ATM: variants seen among roughly 807,000 people sequenced by gnomAD.
ATM encodes ATM serine/threonine kinase.
A neutral mutation model predicts 387.0 loss-of-function variants in ATM; 308 were observed. The observed-to-expected ratio is 0.80, with a 90% CI of 0.73 to 0.87. The LOEUF (loss-of-function observed/expected upper bound fraction) is 0.87, where lower values mean the gene tolerates loss of function less well. Among genes scored for constraint, ATM ranks in the 40% least tolerant of loss-of-function variants. The pLI is 0.00. For missense variants in ATM, 3,312 were observed against 3,560.9 expected (o/e 0.93, Z 1.78); for synonymous variants, 1,156 against 1,187.3 (o/e 0.97, Z 0.54).
At chr11:108,340,178 T>C (rs1443338325) in intron 56 of ATM, 3 of 152,218 alleles carry the variant, frequency 2.0e-5, no homozygotes, top group African/African-American at 4.8e-5. Context: ...TTTATTATTA[T>C]GGAAAATTTC....
At chr11:108,270,388 C>T (rs2081507412) in intron 18 of ATM, among the ~76,000 whole-genome samples, 1 of 152,212 alleles carries the variant, frequency 6.6e-6, no homozygotes, top group South Asian at 2.1e-4. Flanking sequence ...AAGCTCTTAA[C>T]TGCAACAGTG....
Position 108,334,806 on chromosome 11 carries a change from G to T in ATM, c.8011-163G>T, listed in dbSNP as rs574050507. On this transcript the variant is annotated intron_variant, in intron 54 of 62. Coordinates refer to ENST00000675843, the MANE Select transcript of ATM (RefSeq NM_000051.4). ...TTGATGAAACAGTAGTTAAAGTTACGAGCGTGAGCCACCACACCCGGCCTA... is the reference window on the plus strand; with the variant it reads ...TTGATGAAACAGTAGTTAAAGTTACTAGCGTGAGCCACCACACCCGGCCTA... Among the ~76,000 whole-genome samples, 82 of 152,168 alleles carry T rather than the reference G, an allele frequency of 5.4e-4. 1 individual carries two copies. The highest frequency in any genetic ancestry group is 9.3e-4 in the Non-Finnish European group (63 of 67,984).
At chr11:108,277,547 A>G (rs1316411350) in intron 22 of ATM, among the ~76,000 whole-genome samples, 1 of 152,162 alleles carries the variant, frequency 6.6e-6, no homozygotes, top group African/African-American at 2.4e-5. Flanking sequence ...CTGCGGGAAA[A>G]GCGTAGTATC....
At chr11:108,232,158 AGCC>A (rs1201427128) in intron 4 of ATM, among the ~76,000 whole-genome samples, 1 of 152,256 alleles carries the variant, frequency 6.6e-6, no homozygotes, top group Non-Finnish European at 1.5e-5. Context: ...AAAATGCATC[AGCC>A]TGTTGGTTTA....
chr11:108,258,739 C>G (rs567916999), intron 15 of ATM, among the ~76,000 whole-genome samples: 3 of 152,234 alleles, frequency 2.0e-5, no homozygotes, highest in Non-Finnish European at 2.9e-5. Flanking sequence ...AAACTCTAAC[C>G]TATAATTATA....
At chr11:108,357,779 C>A (rs897666648) in intron 61 of ATM, among the ~76,000 whole-genome samples, 1 of 152,034 alleles carries the variant, frequency 6.6e-6, no homozygotes, top group African/African-American at 2.4e-5. Flanking sequence ...GATATCCACA[C>A]CAAAAACCCA....
chr11:108,266,113 A>C (rs921732934), intron 16 of ATM, among the ~76,000 whole-genome samples: 1 of 151,106 alleles, frequency 6.6e-6, no homozygotes, highest in Non-Finnish European at 1.5e-5. Flanking sequence ...ATACCATTTG[A>C]CCCAGCCATC....
At chr11:108,300,629 C>T (rs2083379312) in intron 34 of ATM, among the ~76,000 whole-genome samples, 1 of 152,062 alleles carries the variant, frequency 6.6e-6, no homozygotes, top group Non-Finnish European at 1.5e-5. Context: ...TGCCATGTTT[C>T]CGTTATTGAT....
intron 5 of ATM, among the ~76,000 whole-genome samples, chr11:108,239,510 C>G (rs577826006): frequency 1.3e-4 from 20 of 152,304 alleles, no homozygotes; most frequent in African/African-American, 3.8e-4. Context: ...CTATTCTGTT[C>G]TGTGTATATG....
At chr11:108,250,477 G>A (rs1192367799) in intron 9 of ATM, among the ~76,000 whole-genome samples, 1 of 152,024 alleles carries the variant, frequency 6.6e-6, no homozygotes, top group East Asian at 1.9e-4. Flanking sequence ...TTTGTTTAAG[G>A]GAAACTTAAC....
chr11:108,293,892 A>ATAT (rs1555100983), intron 31 of ATM, among the ~76,000 whole-genome samples: 20 of 108,936 alleles, frequency 1.8e-4, no homozygotes, highest in African/African-American at 5.5e-4. Context: ...AAAAAAAAAA[A>ATAT]AAATATATAT....
intron 49 of ATM, 124 bp from the exon 50 acceptor site, chr11:108,330,090 A>C: frequency 1.1e-6 from 1 of 947,304 alleles, no homozygotes. Context: ...AATCCTTAGA[A>C]GTTTGCTTTT....
chr11:108,292,822 T>C, intron 30 of ATM, 29 bp downstream of exon 30: 1 of 1,605,306 alleles, frequency 6.2e-7, no homozygotes, highest in Admixed American at 1.7e-5. Flanking sequence ...TTCAAAATGG[T>C]ATTTAAAATA....
At chr11:108,332,226 G>A (rs1045666862) in intron 52 of ATM, among the ~76,000 whole-genome samples, 189 bp downstream of exon 52, 1 of 152,052 alleles carries the variant, frequency 6.6e-6, no homozygotes, top group African/African-American at 2.4e-5. Flanking sequence ...TCAGAAGTTC[G>A]AGACCATCCT....
rs547868691 is a variant in ATM, at chr11:108,261,148, G to A, written c.2466+2073G>A. Among the ~76,000 whole-genome samples, 1,343 of 152,356 alleles carry A rather than the reference G, an allele frequency of 8.8e-3. 4 individuals carry two copies. Among genetic ancestry groups the A allele is most frequent in the Non-Finnish European group, 0.012 (789 of 68,040 alleles). ...GGTGGAGCCCACCACAGCTCAAGGA[G>A]GCCTGCCTGCCTCTGTAGGCTCCAC... On this transcript the variant is annotated intron_variant, in intron 16 of 62. Transcript: ENST00000675843.
In ATM at chr11:108,312,417, T is replaced by TCAA; in HGVS notation, c.5925_5926insCAA (p.Leu1975_Ala1976insGln). The TCAA allele has an allele frequency of 6.3e-7, 1 of 1,590,282 alleles. No homozygotes were observed. The highest frequency in any genetic ancestry group is 8.6e-7 in the Non-Finnish European group (1 of 1,158,524). On this transcript the variant is annotated inframe_insertion, in exon 40 of 63. Transcript: ENST00000675843. ...GTGTTCTTGTGACAAACAGAAGTCT[T>TCAA]GCATTTGAAGAAGGAAGCCAGAGTA... is the stretch of plus-strand genomic sequence containing the variant.
At chr11:108,266,270 G>GT (rs2081232168) in intron 16 of ATM, among the ~76,000 whole-genome samples, 1 of 151,600 alleles carries the variant, frequency 6.6e-6, no homozygotes, top group African/African-American at 2.4e-5. Flanking sequence ...TTAAGAAACT[G>GT]TGGCACATAT....
rs587782264 is a variant in ATM at position 108,353,836 on chromosome 11, T to G, written c.8742T>G (p.Ile2914Met). 2 of 1,613,964 alleles carry G rather than the reference T, an allele frequency of 1.2e-6. No individual in the cohort carries two copies. The highest frequency in any genetic ancestry group is 1.7e-5 in the Admixed American group (1 of 59,998). The change falls in exon 60 of 63, where the codon ATT becomes ATG. Residue 2914 changes from isoleucine to methionine, a missense_variant. Coordinates refer to ENST00000675843, the MANE Select transcript of ATM (RefSeq NM_000051.4). ...TTCCTTTTAGACTCACCAGAGATAT[T>G]GTGGATGGCATGGGCATTACGGGTG... ...ETVPFRLTRD[I>M]VDGMGITGVE...
chr11:108,297,657 G>A (rs554990768), intron 33 of ATM, among the ~76,000 whole-genome samples: 12 of 152,162 alleles, frequency 7.9e-5, no homozygotes, highest in African/African-American at 2.7e-4. Flanking sequence ...TTGTATTGGC[G>A]GAATGAATGT....
Sources: gnomAD v4.1 joint callset for allele counts (sites outside exome capture counted in the v4.1 genomes callset) on GRCh38, gnomAD v4.1.1 for gene constraint, MANE v1.5 for transcripts, NCBI Gene and HGNC (gene_info 2026-07-23, HGNC 2026-07-21) for gene names.